Variants in FOXH1 observed in about 807,000 individuals in gnomAD.
FOXH1 encodes forkhead box protein H1.
FOXH1 carries 10 observed loss-of-function variants against 14.2 expected under a neutral mutation model. The observed-to-expected ratio is 0.70, with a 90% CI of 0.43 to 1.19. The LOEUF is 1.19. Ranked by LOEUF, FOXH1 falls within the 50% of genes most tolerant of loss-of-function variation. FOXH1 has a pLI of 0.00. For synonymous variants in FOXH1, 273 were observed against 209.5 expected (o/e 1.30, Z -2.62); for missense variants, 643 against 492.1 (o/e 1.31, Z -2.90).
At position 144,473,777 on chromosome 8, in the gene FOXH1, G is replaced by A. The variant is rs1825044324; in HGVS notation, c.*461C>T. On this transcript the variant is annotated 3_prime_UTR_variant, in exon 3 of 3. Coordinates refer to ENST00000377317, the MANE Select transcript of FOXH1 (RefSeq NM_003923.3). ...TTACTGTTATCCCCCCCACCACCAG[G>A]ACCATGTAGGGTGCAGTCTTTACTC... is the stretch of plus-strand genomic sequence containing the variant. The A allele has an allele frequency of 2.6e-6, 1 of 383,140 alleles. No homozygotes were observed. The highest frequency in any genetic ancestry group is 4.7e-6 in the Non-Finnish European group (1 of 213,962). The allele number at this position is 383,140 out of a possible 1,614,324, so 23.7% of individuals were successfully genotyped here. A position where few individuals can be genotyped will look rare whatever the true frequency, so the allele number is the denominator to read the frequency against.
Position 144,473,743 on chromosome 8 carries a change from C to T in FOXH1, c.*495G>A. 1 of 438,440 alleles carries T rather than the reference C, an allele frequency of 2.3e-6. No individual in the cohort carries two copies. The highest frequency in any genetic ancestry group is 4.0e-6 in the Non-Finnish European group (1 of 248,702). The allele number at this position is 438,440 out of a possible 1,614,324, so 27.2% of individuals were successfully genotyped here. ...AATCAGGCATGGCATTAAAACGTTG[C>T]AAATTCCTTTACTGTTATCCCCCCC... is the stretch of plus-strand genomic sequence containing the variant. On this transcript the variant is annotated 3_prime_UTR_variant, in exon 3 of 3. Coordinates refer to ENST00000377317, the MANE Select transcript of FOXH1 (RefSeq NM_003923.3).
chr8:144,473,532 C>T lies in FOXH1; in HGVS notation c.*706G>A. 7.9e-6 allele frequency: 10 copies of T among 1,271,000 alleles called. No homozygotes were observed. Among genetic ancestry groups the T allele is most frequent in the Non-Finnish European group, 1.0e-5 (10 of 957,558 alleles). The allele number at this position is 1,271,000 out of a possible 1,614,324, so 78.7% of individuals were successfully genotyped here. A position where few individuals can be genotyped will look rare whatever the true frequency, so the allele number is the denominator to read the frequency against. On this transcript the variant is annotated 3_prime_UTR_variant, in exon 3 of 3. Transcript: ENST00000377317. ...TTGCCCCTGAGCTCCCAGAGTCACC[C>T]CTCCACCTCCGCAGCCAGTGAAGTG...
rs772703839 is a variant in FOXH1, at chr8:144,474,434, G to A, written c.902C>T (p.Pro301Leu). ...MPLAPPPTSC[P>L]QCPSTSPAYW... ...GGCAGGGCTGGTTGACGGACACTGGGGACAGGAGGTGGGTGGTGGTGCCAA... is the reference window on the plus strand; with the variant it reads ...GGCAGGGCTGGTTGACGGACACTGGAGACAGGAGGTGGGTGGTGGTGCCAA... The change falls in exon 3 of 3, where the codon CCC becomes CTC. Residue 301 changes from proline (P) to leucine (L), a missense_variant. Transcript: ENST00000377317. 2.5e-6 allele frequency: 4 copies of A among 1,613,188 alleles called. No homozygotes were observed. Among genetic ancestry groups the A allele is most frequent in the Non-Finnish European group, 3.4e-6 (4 of 1,180,016 alleles).
Position 144,474,288 on chromosome 8 carries a change from C to T in FOXH1, c.1048G>A (p.Asp350Asn). Residue 350 changes from aspartate (D) to asparagine (N), a missense_variant, in exon 3 of 3, where the codon GAC (aspartate) becomes AAC (asparagine). Transcript: ENST00000377317. ...CAGCCTGGGCCAGGGGCCGCCAGGT[C>T]CCGAGGGTGGCTGACCCAAACGTCG... ...IYDVWVSHPRDLAAPGPGWLL... is the reference protein window; with the variant it reads ...IYDVWVSHPRNLAAPGPGWLL... 2.5e-6 allele frequency: 4 copies of T among 1,605,072 alleles called. No individual in the cohort carries two copies. The highest frequency in any genetic ancestry group is 3.4e-6 in the Non-Finnish European group (4 of 1,174,990).
rs1390612417 is a variant in FOXH1, at chr8:144,474,746, C to T, written c.590G>A (p.Gly197Glu). The change falls in exon 3 of 3, where the codon GGG (glycine) becomes GAG (glutamate). Residue 197 changes from glycine to glutamate, a missense_variant. By Grantham distance (98) the Gly-to-Glu change is moderately conservative. Transcript: ENST00000377317. ...GGGCACCGCCTCCTCCCCACTGTTC[C>T]CTGTGCCTGCAGGAACTGGGCTGCT... ...PQSSPVPAGT[G>E]NSGEEAVPTP... The T allele has an allele frequency of 6.4e-7, 1 of 1,568,772 alleles. No homozygotes were observed. Among genetic ancestry groups the T allele is most frequent in the East Asian group, 2.3e-5 (1 of 43,580 alleles).
Position 144,473,927 on chromosome 8 carries a change from G to A in FOXH1, c.*311C>T, listed in dbSNP as rs74360910. ...CCTGGAGCACGGGAGGGGAGGTGAC[G>A]GCTGGTGACTGATGGATGGGTAGTG... On this transcript the variant is annotated 3_prime_UTR_variant, in exon 3 of 3. Transcript: ENST00000377317. The A allele has an allele frequency of 9.1e-4, 401 of 438,794 alleles. 6 individuals carry two copies. The East Asian group carries it at 0.014, about 16-fold the overall frequency. The allele number at this position is 438,794 out of a possible 1,614,324, so 27.2% of individuals were successfully genotyped here.
Position 144,475,013 on chromosome 8 carries a change from C to T in FOXH1, c.323G>A (p.Trp108Ter). The T allele has an allele frequency of 6.2e-7, 1 of 1,605,144 alleles. No individual in the cohort carries two copies. The highest frequency in any genetic ancestry group is 8.5e-7 in the Non-Finnish European group (1 of 1,176,562). Residue 108 changes from tryptophan to a stop codon, truncating the protein, a stop_gained, in exon 3 of 3, where the codon TGG (tryptophan) becomes TAG (stop). Transcript: ENST00000377317. LOFTEE classifies it low-confidence loss of function (END_TRUNC). Reference protein sequence around the residue: ...PAKPQAKGNFWAVDVSLIPAE... With the variant: ...PAKPQAKGNF The stretch of plus-strand genomic sequence containing the variant: ...TGGGATCAGGCTCACGTCGACCGCC[C>T]AGAAGTTGCCCTTGGCCTGGGGCTT...
rs1395692378 is a variant in FOXH1, at chr8:144,474,600, C to T, written c.736G>A (p.Glu246Lys). The T allele has an allele frequency of 3.1e-6, 5 of 1,605,308 alleles. No homozygotes were observed. Among genetic ancestry groups the T allele is most frequent in the African/African-American group, 1.3e-5 (1 of 74,802 alleles). Residue 246 changes from glutamate (E) to lysine (K), a missense_variant, in exon 3 of 3, where the codon GAG becomes AAG. Coordinates refer to ENST00000377317, the MANE Select transcript of FOXH1 (RefSeq NM_003923.3). ...GAIGPSTLSP[E>K]PRAWPLHLLQ... ...AAGTGGAGAGGCCAGGCCCTAGGCT[C>T]TGGGGAGAGGGTTGAGGGCCCGATG... is the stretch of plus-strand genomic sequence containing the variant.
intron 1 of FOXH1, 135 bp downstream of exon 1, chr8:144,475,445 TGAG>T (rs1825121269): frequency 3.5e-6 from 3 of 848,374 alleles, no homozygotes; most frequent in Admixed American, 5.1e-5. Context: ...GGTCGTGCCT[TGAG>T]GCCCTCAGCT....
At position 144,473,626 on chromosome 8, in the gene FOXH1, CCTT is replaced by C. The variant is rs1338592472; in HGVS notation, c.*609_*611del. 7.2e-6 allele frequency: 4 copies of C among 554,316 alleles called. No individual in the cohort carries two copies. Among genetic ancestry groups the C allele is most frequent in the Non-Finnish European group, 8.9e-6 (3 of 335,798 alleles). The allele number at this position is 554,316 out of a possible 1,614,324, so 34.3% of individuals were successfully genotyped here. ...ATCAGGCCACAGGTCTTGGCTTTCT[CCTT>C]ATCACCATTTGCTGTTATCACGGCA... On this transcript the variant is annotated 3_prime_UTR_variant, in exon 3 of 3. Transcript: ENST00000377317.
In FOXH1 at chr8:144,474,721, G is replaced by A. The variant is rs764573115; in HGVS notation, c.615C>T (p.Pro205=). The part of the protein sequence containing the change: ...GTGNSGEEAV[P]TPPLPSSERP... ...TCTCAGAAGAGGGAAGGGGTGGGGT[G>A]GGCACCGCCTCCTCCCCACTGTTCC... Residue 205 remains proline (P), a synonymous_variant, in exon 3 of 3, where the codon CCC becomes CCT. Coordinates refer to ENST00000377317, the MANE Select transcript of FOXH1 (RefSeq NM_003923.3). The A allele has an allele frequency of 5.2e-6, 8 of 1,543,416 alleles. No homozygotes were observed. In the East Asian group the frequency reaches 1.4e-4, roughly 27 times the overall value.
Position 144,473,500 on chromosome 8 carries a change from G to A in FOXH1, c.*738C>T. On this transcript the variant is annotated 3_prime_UTR_variant, in exon 3 of 3. Coordinates refer to ENST00000377317, the MANE Select transcript of FOXH1 (RefSeq NM_003923.3). Reference sequence around the variant, plus strand: ...AGGGCACAAGCTCCCTAGCCTCTTTGGATCCATTGCCCCTGAGCTCCCAGA... The same window carrying A: ...AGGGCACAAGCTCCCTAGCCTCTTTAGATCCATTGCCCCTGAGCTCCCAGA... 1 of 1,418,438 alleles carries A rather than the reference G, an allele frequency of 7.1e-7. No individual in the cohort carries two copies. Among genetic ancestry groups the A allele is most frequent in the Non-Finnish European group, 9.2e-7 (1 of 1,085,704 alleles). The allele number at this position is 1,418,438 out of a possible 1,614,324, so 87.9% of individuals were successfully genotyped here. A position where few individuals can be genotyped will look rare whatever the true frequency, so the allele number is the denominator to read the frequency against.
In FOXH1 at chr8:144,474,599, T is replaced by C. The variant is rs762790362; in HGVS notation, c.737A>G (p.Glu246Gly). 1.9e-6 allele frequency: 3 copies of C among 1,605,548 alleles called. No homozygotes were observed. The highest frequency in any genetic ancestry group is 2.5e-6 in the Non-Finnish European group (3 of 1,176,608). Residue 246 changes from glutamate to glycine, a missense_variant, in exon 3 of 3, where the codon GAG (glutamate) becomes GGG (glycine). Coordinates refer to ENST00000377317, the MANE Select transcript of FOXH1 (RefSeq NM_003923.3). ...GAIGPSTLSP[E>G]PRAWPLHLLQ... ...TAAGTGGAGAGGCCAGGCCCTAGGC[T>C]CTGGGGAGAGGGTTGAGGGCCCGAT... is the stretch of plus-strand genomic sequence containing the variant.
chr8:144,474,497 G>A lies in FOXH1; in HGVS notation c.839C>T (p.Ser280Phe). 2 of 1,611,532 alleles carry A rather than the reference G, an allele frequency of 1.2e-6. No individual in the cohort carries two copies. The highest frequency in any genetic ancestry group is 8.5e-7 in the Non-Finnish European group (1 of 1,179,956). Residue 280 changes from serine (S) to phenylalanine (F), a missense_variant, in exon 3 of 3, where the codon TCC becomes TTC. By Grantham distance (155) the Ser-to-Phe change is radical. Coordinates refer to ENST00000377317, the MANE Select transcript of FOXH1 (RefSeq NM_003923.3). ...RASLWGQLPTSYLPIYTPNVV... is the reference protein window; with the variant it reads ...RASLWGQLPTFYLPIYTPNVV... The stretch of plus-strand genomic sequence containing the variant: ...ATTGGGAGTGTAGATAGGCAAGTAG[G>A]AGGTGGGCAGCTGCCCCCAGAGGGA...
In FOXH1 at chr8:144,474,001, C is replaced by T. The variant is rs779715976; in HGVS notation, c.*237G>A. 14 of 567,812 alleles carry T rather than the reference C, an allele frequency of 2.5e-5. No homozygotes were observed. The highest frequency in any genetic ancestry group is 4.1e-5 in the Non-Finnish European group (13 of 320,932). 35.2% of individuals were successfully genotyped at this position (567,812 alleles called of 1,614,324 possible). ...GGGCTATTCCAGGCTCAGCCCTGCT[C>T]CTGCAGCTTTGCCGCTGAGTGTAGG... On this transcript the variant is annotated 3_prime_UTR_variant, in exon 3 of 3. Coordinates refer to ENST00000377317, the MANE Select transcript of FOXH1 (RefSeq NM_003923.3).
Position 144,474,657 on chromosome 8 carries a change from T to A in FOXH1, c.679A>T (p.Arg227Ter), listed in dbSNP as rs1825085706. The A allele has an allele frequency of 6.4e-6, 10 of 1,557,168 alleles. No homozygotes were observed. Among genetic ancestry groups the A allele is most frequent in the Non-Finnish European group, 7.0e-6 (8 of 1,149,960 alleles). The change falls in exon 3 of 3, where the codon AGA (arginine) becomes TGA (stop). Residue 227 changes from arginine (R) to a stop codon, truncating the protein, a stop_gained. Coordinates refer to ENST00000377317, the MANE Select transcript of FOXH1 (RefSeq NM_003923.3). LOFTEE classifies it low-confidence loss of function (END_TRUNC). ...CCCTGCACAGTCTCCCCCTCCACTC[T>A]CGTGGGGCCAGGAAGGGGGCAGAGG... ...WPLCPLPGPT[R>*]VEGETVQGGA...
In FOXH1 at chr8:144,474,838, G is replaced by T; in HGVS notation, c.498C>A (p.Gly166=). The T allele has an allele frequency of 6.2e-7, 1 of 1,611,892 alleles. No individual in the cohort carries two copies. The highest frequency in any genetic ancestry group is 2.2e-5 in the East Asian group (1 of 44,872). ...PPSPPPPPSE[G]FSIKSLLGGS... is the part of the protein sequence containing the mutation. Reference sequence around the variant, plus strand: ...CTCCTAGCAGGGACTTGATGCTGAAGCCCTCACTGGGTGGTGGCGGGGGAC... The same window carrying T: ...CTCCTAGCAGGGACTTGATGCTGAATCCCTCACTGGGTGGTGGCGGGGGAC... The change falls in exon 3 of 3, where the codon GGC becomes GGA. Residue 166 remains glycine (G), a synonymous_variant. Transcript: ENST00000377317.
In FOXH1 at chr8:144,473,928, GCTGGTGA is replaced by G. The variant is rs1298237421; in HGVS notation, c.*303_*309del. 6.8e-6 allele frequency: 3 copies of G among 442,754 alleles called. No individual in the cohort carries two copies. Among genetic ancestry groups the G allele is most frequent in the Admixed American group, 3.9e-5 (1 of 25,382 alleles). The allele number at this position is 442,754 out of a possible 1,614,324, so 27.4% of individuals were successfully genotyped here. ...CTGGAGCACGGGAGGGGAGGTGACG[GCTGGTGA>G]CTGATGGATGGGTAGTGGGCTGAGA... is the stretch of plus-strand genomic sequence containing the variant. On this transcript the variant is annotated 3_prime_UTR_variant, in exon 3 of 3. Coordinates refer to ENST00000377317, the MANE Select transcript of FOXH1 (RefSeq NM_003923.3).
chr8:144,474,165 G>GC lies in FOXH1; in HGVS notation c.*72dup. 1.6e-6 allele frequency: 2 copies of GC among 1,220,862 alleles called. No individual in the cohort carries two copies. The highest frequency in any genetic ancestry group is 3.1e-5 in the South Asian group (2 of 65,160). The allele number at this position is 1,220,862 out of a possible 1,614,324, so 75.6% of individuals were successfully genotyped here. A position where few individuals can be genotyped will look rare whatever the true frequency, so the allele number is the denominator to read the frequency against. On this transcript the variant is annotated 3_prime_UTR_variant, in exon 3 of 3. Transcript: ENST00000377317. ...GAGGCTGCTGTGGTCGCAGACAGCCGCCTCGCCTTGGCTCCCTGTCAACAA... is the reference window on the plus strand; with the variant it reads ...GAGGCTGCTGTGGTCGCAGACAGCCGCCCTCGCCTTGGCTCCCTGTCAACAA...
Sources: gnomAD v4.1 joint callset for allele counts on GRCh38, gnomAD v4.1.1 for gene constraint, MANE v1.5 for transcripts, NCBI Gene and HGNC (gene_info 2026-07-23, HGNC 2026-07-21) for gene names.